The following CHDH variants were observed in gnomAD, a reference collection of about 807,000 sequenced individuals.
CHDH encodes the protein choline dehydrogenase, mitochondrial.
Under a neutral mutation model 56.9 loss-of-function variants are expected in CHDH, and 43 were observed. The ratio of observed to expected loss-of-function variants is 0.76; its 90% CI spans 0.59 to 0.97. CHDH has a LOEUF of 0.97. CHDH is among the 50% of genes least tolerant of loss of function. CHDH has a pLI of 0.00. For missense variants in CHDH, 816 were observed against 821.1 expected (o/e 0.99, Z 0.08); for synonymous variants, 364 against 348.5 (o/e 1.04, Z -0.50).
Position 53,819,470 on chromosome 3 carries a change from G to GCTCC in CHDH, c.1263+61_1263+62insGGAG. 6.5e-7 allele frequency: 1 copy of GCTCC among 1,542,898 alleles called. No homozygotes were observed. The highest frequency in any genetic ancestry group is 1.2e-5 in the South Asian group (1 of 80,142). ...GAGAATGCTGCCTTGGAAGATGGGA[G>GCTCC]CATCTTCCTTCCTGGTGGGAAGGAG... On this transcript the variant is annotated intron_variant, in intron 7 of 8. Coordinates refer to ENST00000315251, the MANE Select transcript of CHDH (RefSeq NM_018397.5). The surrounding 1 kb of genome is among the most constrained non-coding windows in gnomAD (Gnocchi z 5.4).
At chr3:53,837,455 G>A (rs928234590) in intron 2 of CHDH, among the ~76,000 whole-genome samples, 9 of 152,210 alleles carry the variant, frequency 5.9e-5, no homozygotes, top group African/African-American at 1.2e-4. Context: ...AACAAAACCC[G>A]AGGTGGAGCC....
chr3:53,841,151 T>A (rs1401810693), intron 1 of CHDH, among the ~76,000 whole-genome samples, 152 bp from the exon 2 acceptor site: 1 of 152,174 alleles, frequency 6.6e-6, no homozygotes, highest in African/African-American at 2.4e-5. Flanking sequence ...ACAATTTTCA[T>A]CATATTTTAA....
chr3:53,820,844 A>G (rs1023581806), intron 5 of CHDH, among the ~76,000 whole-genome samples: 1 of 152,190 alleles, frequency 6.6e-6, no homozygotes, highest in African/African-American at 2.4e-5. Context: ...ACTCACTCCT[A>G]CGGCAGCCTC....
At chr3:53,830,165 C>T (rs941832421) in intron 2 of CHDH, among the ~76,000 whole-genome samples, 3 of 150,738 alleles carry the variant, frequency 2.0e-5, no homozygotes, top group East Asian at 1.9e-4. Context: ...TTTATAGATT[C>T]GATGCAATGC....
chr3:53,837,519 G>A (rs1051046015), intron 2 of CHDH, among the ~76,000 whole-genome samples: 1 of 152,262 alleles, frequency 6.6e-6, no homozygotes, highest in Non-Finnish European at 1.5e-5. Flanking sequence ...GTGACCCAGG[G>A]CAGGGTTTCC....
chr3:53,824,104 C>T lies in CHDH; in HGVS notation c.-59-37G>A, dbSNP rs554633351. 3.1e-4 allele frequency: 376 copies of T among 1,226,818 alleles called. 5 individuals are homozygous for T. The South Asian group carries it at 5.1e-3, about 17-fold the overall frequency. 76.0% of individuals were successfully genotyped at this position (1,226,818 alleles called of 1,614,324 possible). ...AGAGGGGCTTTAAAAATCTTAACTC[C>T]GCATATCCAGGGTATGCTCACCAAC... On this transcript the variant is annotated intron_variant, in intron 2 of 8. Coordinates refer to ENST00000315251, the MANE Select transcript of CHDH (RefSeq NM_018397.5).
At chr3:53,818,825 G>T in intron 8 of CHDH, 113 bp downstream of exon 8, 2 of 775,116 alleles carry the variant, frequency 2.6e-6, no homozygotes, top group South Asian at 2.8e-5. Flanking sequence ...GGACGACAGA[G>T]GGTCACTTGT....
chr3:53,829,697 G>T (rs773881413), intron 2 of CHDH, among the ~76,000 whole-genome samples: 2 of 152,176 alleles, frequency 1.3e-5, no homozygotes, highest in Non-Finnish European at 2.9e-5. Context: ...TTCCTGCCTG[G>T]AGTATCAACA....
At chr3:53,838,235 C>T (rs1056301119) in intron 2 of CHDH, among the ~76,000 whole-genome samples, 8 of 152,148 alleles carry the variant, frequency 5.3e-5, no homozygotes, top group African/African-American at 1.2e-4. Flanking sequence ...GCAGGTGCTG[C>T]GGGCGCCCAG....
intron 2 of CHDH, among the ~76,000 whole-genome samples, chr3:53,832,474 G>A (rs1341876240): frequency 1.3e-5 from 2 of 152,138 alleles, no homozygotes; most frequent in Non-Finnish European, 2.9e-5. Context: ...GGAGCTTGCA[G>A]TGAGCCGAGA....
chr3:53,817,681 CTAGA>C lies in CHDH; in HGVS notation c.*92_*95del. ...AGGGTACCACCTGGGTCCTAGTGTG[CTAGA>C]TAGTTTCAGGCAGGAGCCTGGGAGC... On this transcript the variant is annotated 3_prime_UTR_variant, in exon 9 of 9. Transcript: ENST00000315251. 2 of 1,062,298 alleles carry C rather than the reference CTAGA, an allele frequency of 1.9e-6. No homozygotes were observed. Among genetic ancestry groups the C allele is most frequent in the Non-Finnish European group, 1.3e-6 (1 of 744,424 alleles). 65.8% of individuals were successfully genotyped at this position (1,062,298 alleles called of 1,614,324 possible).
chr3:53,834,663 G>A (rs1246609878), intron 2 of CHDH, among the ~76,000 whole-genome samples: 2 of 152,200 alleles, frequency 1.3e-5, no homozygotes, highest in Non-Finnish European at 1.5e-5. Context: ...ACCCATACTT[G>A]CAACATGTCT....
chr3:53,842,035 A>T (rs745832085), intron 1 of CHDH, among the ~76,000 whole-genome samples: 2 of 152,008 alleles, frequency 1.3e-5, no homozygotes, highest in Non-Finnish European at 2.9e-5. Flanking sequence ...GTGCACCTGT[A>T]GTCCCAGCTA....
At chr3:53,838,145 C>T (rs1448818542) in intron 2 of CHDH, among the ~76,000 whole-genome samples, 3 of 151,978 alleles carry the variant, frequency 2.0e-5, no homozygotes, top group Non-Finnish European at 4.4e-5. Context: ...GGGCCCAGGC[C>T]GCTCAACCTC....
chr3:53,822,376 C>G, intron 4 of CHDH, 115 bp downstream of exon 4: 1 of 997,496 alleles, frequency 1.0e-6, no homozygotes, highest in Non-Finnish European at 1.5e-6. Context: ...CCCGCCATCA[C>G]AGGGATGAGC....
chr3:53,845,959 G>C (rs550400958), intron 1 of CHDH, 124 bp downstream of exon 1: 2 of 152,390 alleles, frequency 1.3e-5, no homozygotes, highest in Non-Finnish European at 2.9e-5. Context: ...CGGGGCGATT[G>C]TGTAAAGCGG....
intron 3 of CHDH, 93 bp downstream of exon 3, chr3:53,823,213 T>C (rs1308781609): frequency 9.1e-6 from 11 of 1,206,030 alleles, no homozygotes; most frequent in East Asian, 5.3e-5. Flanking sequence ...CTCCTGACCA[T>C]GCTGGAGCCA....
chr3:53,817,843 C>G lies in CHDH; in HGVS notation c.1719G>C (p.Gly573=). The change falls in exon 9 of 9, where the codon GGG becomes GGC. Residue 573 remains glycine (G), a synonymous_variant. Coordinates refer to ENST00000315251, the MANE Select transcript of CHDH (RefSeq NM_018397.5). ...IAEKAADIIK[G]QPALWDKDVP... ...CATCTTTGTCCCAGAGTGCAGGCTG[C>G]CCCTTGATAATGTCAGCTGCCTTCT... The G allele has an allele frequency of 6.2e-7, 1 of 1,614,164 alleles. No homozygotes were observed. The highest frequency in any genetic ancestry group is 8.5e-7 in the Non-Finnish European group (1 of 1,180,018).
rs2095612510 is a variant in CHDH, at chr3:53,814,578, GAT to G, written c.*3197_*3198del. The G allele has an allele frequency of 1.3e-5, 2 of 152,140 alleles. No homozygotes were observed. The highest frequency in any genetic ancestry group is 6.5e-5 in the Admixed American group (1 of 15,272). 9.4% of individuals were successfully genotyped at this position (152,140 alleles called of 1,614,324 possible). A position where few individuals can be genotyped will look rare whatever the true frequency, so the allele number is the denominator to read the frequency against. ...TTTTATCTTTAAAAAATCTGTATTGGATCTGATGTTAAGTTGGCTTATCAGTA... is the reference window on the plus strand; with the variant it reads ...TTTTATCTTTAAAAAATCTGTATTGGCTGATGTTAAGTTGGCTTATCAGTA... On this transcript the variant is annotated 3_prime_UTR_variant, in exon 9 of 9. Transcript: ENST00000315251.
Sources: allele counts gnomAD v4.1 joint callset (sites outside exome capture counted in the v4.1 genomes callset), GRCh38; gene constraint gnomAD v4.1.1; non-coding constraint Gnocchi (gnomAD v3.1); transcripts MANE v1.5; gene names NCBI Gene and HGNC (gene_info 2026-07-23, HGNC 2026-07-21).